The following DOCK7 variants were observed in gnomAD, a reference collection of about 807,000 sequenced individuals.
DOCK7 encodes the protein dedicator of cytokinesis protein 7.
DOCK7 carries 138 observed loss-of-function variants against 271.0 expected under a neutral mutation model. That is an observed-to-expected ratio of 0.51 (90% CI 0.44 to 0.59). DOCK7 has a LOEUF of 0.59. DOCK7 is among the 20% of genes least tolerant of loss of function. DOCK7 has a pLI of 0.00. For missense variants in DOCK7, 2,066 were observed against 2,592.4 expected, an observed-to-expected ratio of 0.80 and a Z score of 4.41; for synonymous variants, 823 against 876.1, an observed-to-expected ratio of 0.94 and a Z score of 1.07.
At chr1:62,598,511 T>C (rs990981893) in intron 14 of DOCK7, among the ~76,000 whole-genome samples, 1 of 152,036 alleles carries the variant, frequency 6.6e-6, no homozygotes, top group Non-Finnish European at 1.5e-5. Flanking sequence ...ATAGTACAAT[T>C]TAAATAAAAT....
Position 62,686,965 on chromosome 1 carries a change from T to TG in DOCK7, c.38+1261dup, listed in dbSNP as rs544864071. Among the ~76,000 whole-genome samples, 33 of 151,548 alleles carry TG rather than the reference T, an allele frequency of 2.2e-4. No homozygotes were observed. In the East Asian group the frequency reaches 3.1e-3, roughly 14 times the overall value. On this transcript the variant is annotated intron_variant, in intron 1 of 49. Coordinates refer to ENST00000635253, the MANE Select transcript of DOCK7 (RefSeq NM_001367561.1). ...GGCTAATTTTTTTGCAGAGATGGGG[T>TG]GGGGGGGACTCGCTATGTTGCCCAG...
chr1:62,627,551 A>G (rs1430647053), intron 11 of DOCK7: 1 of 152,204 alleles, frequency 6.6e-6, no homozygotes, highest in Non-Finnish European at 1.5e-5. Flanking sequence ...GGTTCAGAGT[A>G]TAAGATCAAT....
At position 62,636,581 on chromosome 1, in the gene DOCK7, T is replaced by C. The variant is rs1317549494; in HGVS notation, c.841A>G (p.Ile281Val). Residue 281 changes from isoleucine to valine, a missense_variant, in exon 8 of 50, where the codon ATT becomes GTT. Ile to Val is a conservative substitution (Grantham distance 29, BLOSUM62 3). Coordinates refer to ENST00000635253, the MANE Select transcript of DOCK7 (RefSeq NM_001367561.1). ...SLKFEIEIEP[I>V]FASLALYDVK... Reference sequence around the variant, plus strand: ...TCATATAAAGCCAAACTTGCAAAAATGGGTTCAATTTCAATTTCAAACCTT... The same window carrying C: ...TCATATAAAGCCAAACTTGCAAAAACGGGTTCAATTTCAATTTCAAACCTT... The C allele has an allele frequency of 1.2e-6, 2 of 1,602,960 alleles. No homozygotes were observed. The highest frequency in any genetic ancestry group is 2.7e-5 in the African/African-American group (2 of 74,646).
At chr1:62,593,571 C>G in intron 14 of DOCK7, among the ~76,000 whole-genome samples, 1 of 151,828 alleles carries the variant, frequency 6.6e-6, no homozygotes. Context: ...AACTCCGTCT[C>G]AAAAATAAAT....
At chr1:62,609,768 G>A (rs182907825) in intron 14 of DOCK7, among the ~76,000 whole-genome samples, 1 of 152,186 alleles carries the variant, frequency 6.6e-6, no homozygotes, top group East Asian at 1.9e-4. Flanking sequence ...ACCTTCAGAT[G>A]CAAGCCCCTA....
At chr1:62,624,010 A>T (rs1004427157) in intron 12 of DOCK7, among the ~76,000 whole-genome samples, 4 of 152,168 alleles carry the variant, frequency 2.6e-5, no homozygotes, top group African/African-American at 9.7e-5. Context: ...AGAAAATGGA[A>T]TTTTGAAGGA....
intron 43 of DOCK7, among the ~76,000 whole-genome samples, chr1:62,480,523 G>A (rs1180531776): frequency 6.6e-6 from 1 of 152,128 alleles, no homozygotes; most frequent in African/African-American, 2.4e-5. Flanking sequence ...CTTGTTGCAA[G>A]TAAGTCACAA....
intron 48 of DOCK7, among the ~76,000 whole-genome samples, chr1:62,467,816 A>G (rs1645720526): frequency 6.6e-6 from 1 of 152,220 alleles, no homozygotes; most frequent in Admixed American, 6.5e-5. Context: ...AGAAAACCAT[A>G]GAACAATATC....
chr1:62,475,284 G>A lies in DOCK7; in HGVS notation c.6029C>T (p.Ala2010Val). The A allele has an allele frequency of 6.2e-7, 1 of 1,614,010 alleles. No individual in the cohort carries two copies. The highest frequency in any genetic ancestry group is 8.5e-7 in the Non-Finnish European group (1 of 1,179,932). Residue 2010 changes from alanine to valine, a missense_variant, in exon 47 of 50, where the codon GCA becomes GTA. Ala to Val is a moderately conservative substitution (Grantham distance 64). Transcript: ENST00000635253. ...MQKKTQELAF[A>V]THQDPADPKM... ...GGGGTCTGCGGGATCCTGATGTGTTGCAAATGCCAACTCCTGTGTCTTTTT... is the reference window on the plus strand; with the variant it reads ...GGGGTCTGCGGGATCCTGATGTGTTACAAATGCCAACTCCTGTGTCTTTTT...
At chr1:62,647,566 A>T in intron 7 of DOCK7, 125 bp downstream of exon 7, 1 of 679,056 alleles carries the variant, frequency 1.5e-6, no homozygotes, top group East Asian at 2.6e-5. Context: ...TTAAAATGAC[A>T]TGTAGAACAA....
At chr1:62,665,433 C>T (rs1351618583) in intron 1 of DOCK7, among the ~76,000 whole-genome samples, 3 of 151,388 alleles carry the variant, frequency 2.0e-5, no homozygotes, top group African/African-American at 4.8e-5. Context: ...AGGCCAGGCG[C>T]GGTGGCTCGC....
At chr1:62,467,290 G>T (rs1028730135) in intron 48 of DOCK7, among the ~76,000 whole-genome samples, 1 of 152,222 alleles carries the variant, frequency 6.6e-6, no homozygotes, top group Non-Finnish European at 1.5e-5. Flanking sequence ...GGCTTAAAAG[G>T]TGGAGAGTGA....
intron 48 of DOCK7, among the ~76,000 whole-genome samples, chr1:62,463,364 T>C (rs1369036052): frequency 1.3e-5 from 2 of 152,332 alleles, no homozygotes; most frequent in East Asian, 3.9e-4. Context: ...ACTCAAATGC[T>C]ACTGATGGGA....
chr1:62,518,492 T>C (rs1382461732), intron 31 of DOCK7, among the ~76,000 whole-genome samples: 1 of 151,198 alleles, frequency 6.6e-6, no homozygotes, highest in Non-Finnish European at 1.5e-5. Context: ...GAGAATGGCG[T>C]GAACCCAGGA....
At chr1:62,599,341 C>T (rs192528948) in intron 14 of DOCK7, among the ~76,000 whole-genome samples, 410 of 152,082 alleles carry the variant, frequency 2.7e-3, no homozygotes, top group Non-Finnish European at 4.4e-3. Context: ...CTAACTGGAA[C>T]GCTCTTCTGC....
At chr1:62,618,123 T>C (rs970449556) in intron 14 of DOCK7, among the ~76,000 whole-genome samples, 1 of 152,072 alleles carries the variant, frequency 6.6e-6, no homozygotes, top group Non-Finnish European at 1.5e-5. Flanking sequence ...GGGTATATCA[T>C]TCATAAGGAG....
intron 14 of DOCK7, among the ~76,000 whole-genome samples, chr1:62,597,121 T>C (rs1380277729): frequency 6.6e-6 from 1 of 152,168 alleles, no homozygotes. Context: ...GATCACTGTT[T>C]CCAAAAGAAC....
chr1:62,470,367 T>C (rs1381887007), intron 48 of DOCK7, among the ~76,000 whole-genome samples: 1 of 152,128 alleles, frequency 6.6e-6, no homozygotes, highest in African/African-American at 2.4e-5. Context: ...AGCTAAGCTA[T>C]GAGGATGCAA....
At chr1:62,599,644 T>C (rs949715823) in intron 14 of DOCK7, among the ~76,000 whole-genome samples, 1 of 152,194 alleles carries the variant, frequency 6.6e-6, no homozygotes, top group Non-Finnish European at 1.5e-5. Flanking sequence ...CTCCAGAATA[T>C]AGAATACTGT....
Sources: gnomAD v4.1 joint callset for allele counts (sites outside exome capture counted in the v4.1 genomes callset) on GRCh38, gnomAD v4.1.1 for gene constraint, MANE v1.5 for transcripts, NCBI Gene and HGNC (gene_info 2026-07-23, HGNC 2026-07-21) for gene names.